Variants in CDC14A observed in about 807,000 individuals in gnomAD.
The protein encoded by CDC14A is cell division cycle 14A, also known as dual specificity protein phosphatase CDC14A.
Under a neutral mutation model 74.4 loss-of-function variants are expected in CDC14A, and 53 were observed. The observed-to-expected ratio is 0.71, with a 90% CI of 0.57 to 0.89. The LOEUF (loss-of-function observed/expected upper bound fraction) is 0.89. Ranked by LOEUF, CDC14A falls within the 40% of genes least tolerant of loss-of-function variation. The pLI is 0.00. For synonymous variants in CDC14A, 247 were observed against 258.4 expected, an observed-to-expected ratio of 0.96 and a Z score of 0.43; for missense variants, 646 against 713.7, an observed-to-expected ratio of 0.91 and a Z score of 1.08.
intron 10 of CDC14A, among the ~76,000 whole-genome samples, chr1:100,470,562 C>T (rs1383931645): frequency 6.6e-6 from 1 of 152,016 alleles, no homozygotes; most frequent in African/African-American, 2.4e-5. Flanking sequence ...TTAAAAGACA[C>T]ACAGTATATA....
At chr1:100,483,097 A>G (rs540559111) in intron 10 of CDC14A, among the ~76,000 whole-genome samples, 14 of 152,138 alleles carry the variant, frequency 9.2e-5, no homozygotes, top group South Asian at 6.2e-4. Context: ...ATTCCTCAAG[A>G]TATATACTCA....
chr1:100,367,671 A>G (rs1441760998), intron 2 of CDC14A, among the ~76,000 whole-genome samples: 2 of 152,206 alleles, frequency 1.3e-5, no homozygotes, highest in Non-Finnish European at 2.9e-5. Context: ...GACTTGTTCA[A>G]AATTGCTCTT....
At position 100,496,344 on chromosome 1, in the gene CDC14A, A is replaced by C. The variant is rs186080848; in HGVS notation, c.1298+295A>C. On this transcript the variant is annotated intron_variant, in intron 13 of 15. Transcript: ENST00000336454. ...CTCTAAGAAACTACAGGTGCTCTGC[A>C]TTTCTCCTTTTGATCTAGTGATAGA... Among the ~76,000 whole-genome samples the C allele has an allele frequency of 2.1e-3, 319 of 151,678 alleles. 2 individuals carry two copies. The highest frequency in any genetic ancestry group is 7.4e-3 in the African/African-American group (304 of 41,308).
At chr1:100,435,526 A>G (rs777545879) in intron 5 of CDC14A, among the ~76,000 whole-genome samples, 14 of 152,186 alleles carry the variant, frequency 9.2e-5, no homozygotes, top group Non-Finnish European at 2.1e-4. Flanking sequence ...ACTGAATTGT[A>G]CACTTTAAAA....
chr1:100,393,134 A>T, intron 4 of CDC14A: 1 of 1,492,816 alleles, frequency 6.7e-7, no homozygotes. Flanking sequence ...TCAGTCTCAT[A>T]ATTCTTACTA....
Position 100,399,903 on chromosome 1 carries a change from A to G in CDC14A, c.309+9079A>G, listed in dbSNP as rs1487150750. On this transcript the variant is annotated intron_variant, in intron 4 of 15. Transcript: ENST00000336454. Reference sequence around the variant, plus strand: ...ATTTTATCTGTGTCTATTTGTTTCAATAGATACAGACTACTAGAAATCATG... The same window carrying G: ...ATTTTATCTGTGTCTATTTGTTTCAGTAGATACAGACTACTAGAAATCATG... 4.6e-5 allele frequency among the ~76,000 whole-genome samples: 7 copies of G among 152,288 alleles called. 1 individual carries two copies. The highest frequency in any genetic ancestry group is 7.2e-5 in the African/African-American group (3 of 41,564).
intron 7 of CDC14A, among the ~76,000 whole-genome samples, chr1:100,450,781 C>A (rs779367903): frequency 3.3e-5 from 5 of 152,092 alleles, no homozygotes. Context: ...TTTTCTTCCT[C>A]TTTAATGATT....
At chr1:100,499,449 G>A (rs7539619) in intron 15 of CDC14A, 187 bp downstream of exon 15, 351 of 1,477,088 alleles carry the variant, frequency 2.4e-4, no homozygotes, top group Non-Finnish European at 3.0e-4. Context: ...TCAAGTAAAC[G>A]CCAAGTCACA....
intron 15 of CDC14A, among the ~76,000 whole-genome samples, chr1:100,511,640 A>T (rs1649793035): frequency 6.6e-6 from 1 of 152,154 alleles, no homozygotes; most frequent in African/African-American, 2.4e-5. Flanking sequence ...CATCCAAGCT[A>T]GACATTTGGA....
chr1:100,402,998 A>G (rs1386941931), intron 4 of CDC14A, among the ~76,000 whole-genome samples: 3 of 152,136 alleles, frequency 2.0e-5, no homozygotes, highest in African/African-American at 2.4e-5. Context: ...ACCAGGGACA[A>G]TGGTGGTTGT....
chr1:100,366,789 T>C (rs11166443), intron 2 of CDC14A, among the ~76,000 whole-genome samples: 19,305 of 152,222 alleles, frequency 0.13, 1,422 homozygotes, highest in Non-Finnish European at 0.16. Context: ...ACTTACTGAA[T>C]AAAAAGATGG....
chr1:100,500,811 AGTGTGTGTGTGTGTGT>A (rs58424420), intron 15 of CDC14A, among the ~76,000 whole-genome samples: 79 of 131,320 alleles, frequency 6.0e-4, no homozygotes, highest in Non-Finnish European at 9.7e-4. Context: ...ATGAGAATGC[AGTGTGTGTGTGTGTGT>A]GTGTGTGTGT....
At chr1:100,385,294 C>T (rs28361209) in intron 3 of CDC14A, among the ~76,000 whole-genome samples, 390 of 152,292 alleles carry the variant, frequency 2.6e-3, no homozygotes, top group African/African-American at 9.0e-3. Flanking sequence ...TCTGGACCAA[C>T]AGTGTCAGCA....
intron 11 of CDC14A, among the ~76,000 whole-genome samples, chr1:100,486,830 C>T (rs56871913): frequency 0.054 from 8,193 of 152,126 alleles, 720 homozygotes; most frequent in African/African-American, 0.19. Flanking sequence ...ATGTATGGGC[C>T]CTAGGACTAC....
rs557129815 is a variant in CDC14A, at chr1:100,477,425, T to C, written c.978-6867T>C. 2.6e-5 allele frequency among the ~76,000 whole-genome samples: 4 copies of C among 151,916 alleles called. No homozygotes were observed. The East Asian group carries it at 7.8e-4, about 30-fold the overall frequency. On this transcript the variant is annotated intron_variant, in intron 10 of 15. Transcript: ENST00000336454. ...AATAAGAGCATATAGAGGAGTCGTG[T>C]GACTTAAGTGTTATTTAAGGAAGCT...
In CDC14A at chr1:100,353,839, C is replaced by T; in HGVS notation, c.127C>T (p.Leu43=). ...CCACTATTTCTCCATCGATGAGGAG[C>T]TGGTCTATGAAAAGTAAGTTTATGT... ...NTHYFSIDEE[L]VYENFYADFG... Residue 43 remains leucine (L), a synonymous_variant, in exon 2 of 16, where the codon CTG becomes TTG. Coordinates refer to ENST00000336454, the MANE Select transcript of CDC14A (RefSeq NM_003672.4). 1 of 1,601,156 alleles carries T rather than the reference C, an allele frequency of 6.2e-7. No individual in the cohort carries two copies. The highest frequency in any genetic ancestry group is 8.5e-7 in the Non-Finnish European group (1 of 1,170,316).
chr1:100,408,043 T>G (rs1210467404), intron 4 of CDC14A, among the ~76,000 whole-genome samples: 2 of 152,178 alleles, frequency 1.3e-5, no homozygotes, highest in African/African-American at 4.8e-5. Flanking sequence ...CCAATAGTTA[T>G]TTTTTCTGTT....
intron 4 of CDC14A, among the ~76,000 whole-genome samples, chr1:100,402,158 A>G (rs1659352265): frequency 6.6e-6 from 1 of 151,602 alleles, no homozygotes; most frequent in South Asian, 2.1e-4. Flanking sequence ...AAAATCGGAA[A>G]GGAGGTACTC....
intron 13 of CDC14A, among the ~76,000 whole-genome samples, chr1:100,497,401 G>A (rs1381138660): frequency 6.6e-6 from 1 of 152,204 alleles, no homozygotes. Context: ...GTGGAAAGAA[G>A]GACCTGTCCA....
Sources: allele counts gnomAD v4.1 joint callset (sites outside exome capture counted in the v4.1 genomes callset), GRCh38; gene constraint gnomAD v4.1.1; transcripts MANE v1.5; gene names NCBI Gene and HGNC (gene_info 2026-07-23, HGNC 2026-07-21).